Variants in SLC25A42 observed in about 807,000 individuals in gnomAD.
SLC25A42 encodes solute carrier family 25 member 42.
Under a neutral mutation model 34.7 loss-of-function variants are expected in SLC25A42, and 19 were observed. That is an observed-to-expected ratio of 0.55 (90% CI 0.38 to 0.80). The LOEUF (loss-of-function observed/expected upper bound fraction) is 0.80. SLC25A42 is among the 30% of genes least tolerant of loss of function. The probability of loss-of-function intolerance (pLI) is 0.00; values close to 1 mark genes in which losing one functional copy is unlikely to be tolerated. For synonymous variants in SLC25A42, 205 were observed against 191.2 expected, an observed-to-expected ratio of 1.07 and a Z score of -0.59; for missense variants, 364 against 441.3, an observed-to-expected ratio of 0.82 and a Z score of 1.57.
chr19:19,105,203 T>C (rs2059819412), intron 4 of SLC25A42: 1 of 577,750 alleles, frequency 1.7e-6, no homozygotes, highest in Non-Finnish European at 3.1e-6. Context: ...GAGCAGGTGC[T>C]ACTTTCTTAA....
chr19:19,064,862 A>G (rs1044766705), intron 1 of SLC25A42, among the ~76,000 whole-genome samples: 7 of 151,910 alleles, frequency 4.6e-5, no homozygotes, highest in Non-Finnish European at 1.0e-4. Flanking sequence ...CCCTCCCCAA[A>G]CAAAAGCTTA....
chr19:19,106,044 T>A (rs2059825573), intron 5 of SLC25A42: 1 of 556,926 alleles, frequency 1.8e-6, no homozygotes, highest in South Asian at 2.4e-5. Context: ...GCATCATTAA[T>A]TTATGCCAGC....
At position 19,110,748 on chromosome 19, in the gene SLC25A42, G is replaced by A. The variant is rs1214871623; in HGVS notation, c.829G>A (p.Glu277Lys). ...CCGCACGCTGCGCACCATCGTGCGG[G>A]AGGAGGGCGCCGTGCGCGGCCTCTA... ...IARTLRTIVR[E>K]EGAVRGLYKG... Residue 277 changes from glutamate to lysine, a missense_variant, in exon 8 of 8, where the codon GAG becomes AAG. Transcript: ENST00000318596. 6.2e-7 allele frequency: 1 copy of A among 1,612,608 alleles called. No individual in the cohort carries two copies. Among genetic ancestry groups the A allele is most frequent in the Non-Finnish European group, 8.5e-7 (1 of 1,179,638 alleles).
chr19:19,068,019 G>T (rs747723080), intron 1 of SLC25A42, among the ~76,000 whole-genome samples: 1 of 152,130 alleles, frequency 6.6e-6, no homozygotes, highest in Non-Finnish European at 1.5e-5. Context: ...GCTTTTAAAA[G>T]TGCATTTGCA....
chr19:19,110,591 C>T lies in SLC25A42; in HGVS notation c.672C>T (p.Pro224=), dbSNP rs1460394875. ...LHREYSGRRQ[P]YPFERMIFGA... is the part of the protein sequence containing the mutation. ...CAGAGTACAGCGGCCGCCGGCAGCC[C>T]TACCCCTTCGAGCGCATGATCTTCG... The change falls in exon 8 of 8, where the codon CCC becomes CCT. Residue 224 remains proline, a synonymous_variant. Transcript: ENST00000318596. 5.4e-6 allele frequency: 8 copies of T among 1,472,634 alleles called. No homozygotes were observed. The highest frequency in any genetic ancestry group is 6.3e-6 in the Non-Finnish European group (7 of 1,117,394). The allele number at this position is 1,472,634 out of a possible 1,614,324, so 91.2% of individuals were successfully genotyped here.
chr19:19,110,699 G>C lies in SLC25A42; in HGVS notation c.780G>C (p.Thr260=), dbSNP rs565124786. The part of the protein sequence containing the change: ...VRRRMQTAGV[T]GYPRASIART... The stretch of plus-strand genomic sequence containing the variant: ...GGCGCATGCAGACGGCCGGCGTCAC[G>C]GGCTACCCGCGCGCCTCCATCGCCC... Residue 260 remains threonine, a synonymous_variant, in exon 8 of 8, where the codon ACG becomes ACC. Transcript: ENST00000318596. 1 of 1,590,156 alleles carries C rather than the reference G, an allele frequency of 6.3e-7. No individual in the cohort carries two copies. The highest frequency in any genetic ancestry group is 8.6e-7 in the Non-Finnish European group (1 of 1,169,440).
At chr19:19,104,604 G>C (rs1352695481) in intron 3 of SLC25A42, among the ~76,000 whole-genome samples, 1 of 152,218 alleles carries the variant, frequency 6.6e-6, no homozygotes, top group Non-Finnish European at 1.5e-5. Flanking sequence ...CTTGTTCTGA[G>C]AGAGCCAGGG....
rs2059823850 is a variant in SLC25A42 at position 19,105,805 on chromosome 19, C to T, written c.380+78C>T. ...CTCTCTTTCTTCTGCACGCCCCGCT[C>T]CCTCCTCTTCGTGCCTTGCCCCTAG... On this transcript the variant is annotated intron_variant, in intron 5 of 7. Coordinates refer to ENST00000318596, the MANE Select transcript of SLC25A42 (RefSeq NM_178526.5). 8.1e-6 allele frequency: 10 copies of T among 1,239,116 alleles called. No individual in the cohort carries two copies. In the Admixed American group the frequency reaches 2.1e-4, roughly 26 times the overall value. The allele number at this position is 1,239,116 out of a possible 1,614,324, so 76.8% of individuals were successfully genotyped here. A position where few individuals can be genotyped will look rare whatever the true frequency, so the allele number is the denominator to read the frequency against.
intron 1 of SLC25A42, among the ~76,000 whole-genome samples, chr19:19,089,637 G>C (rs2059727449): frequency 1.3e-5 from 2 of 151,946 alleles, no homozygotes; most frequent in Admixed American, 1.3e-4. Context: ...GGAGGCCAAG[G>C]AGGGTGGATC....
chr19:19,073,561 G>A (rs1427474092), intron 1 of SLC25A42, among the ~76,000 whole-genome samples: 1 of 151,686 alleles, frequency 6.6e-6, no homozygotes, highest in East Asian at 1.9e-4. Flanking sequence ...CAGGTTCCGT[G>A]TGGTAAGAAC....
chr19:19,105,291 T>G (rs989233251), intron 4 of SLC25A42: 46 of 574,252 alleles, frequency 8.0e-5, no homozygotes, highest in African/African-American at 5.4e-4. Flanking sequence ...CCGAGCTGCT[T>G]TGCAGCCTGG....
rs528329401 is a variant in SLC25A42, at chr19:19,085,796, A to G, written c.-34-10295A>G. ...CCTGAGCATGGCCCCAGACACCCTG[A>G]GGGGAGGGGAGAGGGGAGAGAGGAG... On this transcript the variant is annotated intron_variant, in intron 1 of 7. Transcript: ENST00000318596. 6.1e-3 allele frequency among the ~76,000 whole-genome samples: 802 copies of G among 131,042 alleles called. 11 individuals are homozygous for G. Among genetic ancestry groups the G allele is most frequent in the African/African-American group, 0.022 (760 of 34,714 alleles). 86.0% of individuals were successfully genotyped at this position (131,042 alleles called of 152,430 possible).
In SLC25A42 at chr19:19,102,298, C is replaced by T. The variant is rs190892206; in HGVS notation, c.187+412C>T. 1.2e-4 allele frequency among the ~76,000 whole-genome samples: 18 copies of T among 152,112 alleles called. No homozygotes were observed. The East Asian group carries it at 1.9e-3, about 16-fold the overall frequency. ...TGCTGGGATTACAGACTTGAGCCAC[C>T]GCCCCCGGCCAGAAATGAGGTTTTT... On this transcript the variant is annotated intron_variant, in intron 3 of 7. Coordinates refer to ENST00000318596, the MANE Select transcript of SLC25A42 (RefSeq NM_178526.5).
chr19:19,102,720 GGTGAC>G (rs1182505273), intron 3 of SLC25A42, among the ~76,000 whole-genome samples: 1 of 151,064 alleles, frequency 6.6e-6, no homozygotes, highest in African/African-American at 2.4e-5. Context: ...CTCCAGCCTG[GGTGAC>G]AGAGAGACTC....
intron 1 of SLC25A42, among the ~76,000 whole-genome samples, chr19:19,085,115 C>A (rs1244000417): frequency 6.6e-6 from 1 of 152,088 alleles, no homozygotes; most frequent in African/African-American, 2.4e-5. Flanking sequence ...GGCCAAACTT[C>A]CCTGAGTTTC....
chr19:19,107,811 C>A (rs905214589), intron 6 of SLC25A42, 83 bp from the exon 7 acceptor site: 4 of 1,488,534 alleles, frequency 2.7e-6, no homozygotes, highest in Non-Finnish European at 2.8e-6. Flanking sequence ...CAGCCGGCTT[C>A]GGGAGGAGCC....
rs1244902531 is a variant in SLC25A42, at chr19:19,081,282, A to G, written c.-34-14809A>G. ...AGGGTGACTTTCCAGCACTGGACCC[A>G]TAAGGAACCACAGGGACCACCACTA... On this transcript the variant is annotated intron_variant, in intron 1 of 7. Coordinates refer to ENST00000318596, the MANE Select transcript of SLC25A42 (RefSeq NM_178526.5). This position sits in a 1 kb window ranked among gnomAD's most constrained non-coding sequence, Gnocchi z 4.5. Among the ~76,000 whole-genome samples the G allele has an allele frequency of 6.6e-6, 1 of 152,142 alleles. No individual in the cohort carries two copies. Among genetic ancestry groups the G allele is most frequent in the Non-Finnish European group, 1.5e-5 (1 of 68,012 alleles).
chr19:19,102,679 G>A (rs1346844788), intron 3 of SLC25A42, among the ~76,000 whole-genome samples: 5 of 152,082 alleles, frequency 3.3e-5, no homozygotes, highest in Admixed American at 2.6e-4. Context: ...GGGAGGCGGA[G>A]GTTGCAGTCA....
chr19:19,075,674 C>T (rs1003392443), intron 1 of SLC25A42, among the ~76,000 whole-genome samples: 10 of 152,200 alleles, frequency 6.6e-5, no homozygotes, highest in African/African-American at 2.4e-4. Context: ...GTGCAAGTGA[C>T]AGAAACCCAT....
Sources: gnomAD v4.1 joint callset for allele counts (sites outside exome capture counted in the v4.1 genomes callset) on GRCh38, gnomAD v4.1.1 for gene constraint, Gnocchi (gnomAD v3.1) non-coding constraint, MANE v1.5 for transcripts, NCBI Gene and HGNC (gene_info 2026-07-23, HGNC 2026-07-21) for gene names.